Variants in NALF1 observed in about 807,000 individuals in gnomAD.
NALF1 encodes NALCN channel auxiliary factor 1.
A neutral mutation model predicts 48.4 loss-of-function variants in NALF1; 3 were observed. That is an observed-to-expected ratio of 0.06 (90% CI 0.03 to 0.16). The LOEUF (loss-of-function observed/expected upper bound fraction) is 0.16. NALF1 is among the 10% of genes least tolerant of loss of function. NALF1 has a pLI of 1.00. For synonymous variants in NALF1, 262 were observed against 245.7 expected (o/e 1.07, Z -0.62); for missense variants, 526 against 571.5 (o/e 0.92, Z 0.81).
intron 1 of NALF1, among the ~76,000 whole-genome samples, chr13:107,303,059 G>C (rs925598984): frequency 6.6e-6 from 1 of 152,084 alleles, no homozygotes; most frequent in Middle Eastern, 3.2e-3. Flanking sequence ...ATTTTTTGTT[G>C]TTGTTTGATT....
At chr13:107,618,120 C>T (rs572380299) in intron 1 of NALF1, among the ~76,000 whole-genome samples, 2 of 151,408 alleles carry the variant, frequency 1.3e-5, no homozygotes, top group African/African-American at 2.4e-5. Context: ...AACAGGGCAC[C>T]GAGAGAGAAA....
intron 1 of NALF1, among the ~76,000 whole-genome samples, chr13:107,723,020 A>T (rs1876033696): frequency 6.6e-6 from 1 of 152,242 alleles, no homozygotes; most frequent in South Asian, 2.1e-4. Context: ...TCAAAACTGA[A>T]AAAATATCTT....
In NALF1 at chr13:107,402,500, C is replaced by T. The variant is rs968879887; in HGVS notation, c.916-191745G>A. 3.3e-5 allele frequency among the ~76,000 whole-genome samples: 5 copies of T among 152,262 alleles called. No homozygotes were observed. The South Asian group carries it at 1.0e-3, about 32-fold the overall frequency. Reference sequence around the variant, plus strand: ...GATAGTAAATGAATGTTGTTTTAAGCCACTGAATTTGTGGTAAATTATTAC... The same window carrying T: ...GATAGTAAATGAATGTTGTTTTAAGTCACTGAATTTGTGGTAAATTATTAC... On this transcript the variant is annotated intron_variant, in intron 1 of 2. Coordinates refer to ENST00000375915, the MANE Select transcript of NALF1 (RefSeq NM_001080396.3).
At chr13:107,613,000 G>GAAAAAA (rs34831534) in intron 1 of NALF1, among the ~76,000 whole-genome samples, 2 of 144,742 alleles carry the variant, frequency 1.4e-5, no homozygotes, top group Non-Finnish European at 1.5e-5. Flanking sequence ...TTCCCACAAT[G>GAAAAAA]AGAAAAAAAA....
intron 1 of NALF1, among the ~76,000 whole-genome samples, chr13:107,861,654 C>T (rs765253617): frequency 7.2e-5 from 11 of 152,124 alleles, no homozygotes; most frequent in East Asian, 5.9e-4. Flanking sequence ...CGTGGTGGCG[C>T]GCACCTGTAG....
At chr13:107,521,096 C>T (rs1469534485) in intron 1 of NALF1, among the ~76,000 whole-genome samples, 1 of 152,158 alleles carries the variant, frequency 6.6e-6, no homozygotes, top group Non-Finnish European at 1.5e-5. Flanking sequence ...ATTCACACAG[C>T]ATGACTAGAA....
chr13:107,328,459 T>G (rs1882407786), intron 1 of NALF1, among the ~76,000 whole-genome samples: 1 of 152,198 alleles, frequency 6.6e-6, no homozygotes, highest in Non-Finnish European at 1.5e-5. Context: ...TTCTAATTTA[T>G]CACAACTTAA....
intron 1 of NALF1, among the ~76,000 whole-genome samples, chr13:107,578,689 T>C (rs112491902): frequency 2.0e-5 from 3 of 152,182 alleles, no homozygotes; most frequent in Non-Finnish European, 2.9e-5. Context: ...CTGTGTTCCA[T>C]AGTACATATT....
At chr13:107,784,873 C>T (rs1016448765) in intron 1 of NALF1, among the ~76,000 whole-genome samples, 7 of 152,148 alleles carry the variant, frequency 4.6e-5, no homozygotes, top group African/African-American at 1.4e-4. Context: ...GTAGAACTAC[C>T]ATTTGATCCA....
intron 1 of NALF1, among the ~76,000 whole-genome samples, chr13:107,547,098 G>C (rs746468769): frequency 2.6e-5 from 4 of 152,158 alleles, no homozygotes; most frequent in Non-Finnish European, 5.9e-5. Flanking sequence ...GACACTTTGA[G>C]AGTGTCCAAT....
chr13:107,215,215 G>A (rs1175304495), intron 1 of NALF1, among the ~76,000 whole-genome samples: 2 of 152,178 alleles, frequency 1.3e-5, no homozygotes, highest in African/African-American at 4.8e-5. Context: ...TTATTCGGAA[G>A]GTATCACTTG....
intron 1 of NALF1, among the ~76,000 whole-genome samples, chr13:107,570,162 C>T (rs1348637329): frequency 6.7e-6 from 1 of 149,906 alleles, no homozygotes; most frequent in Non-Finnish European, 1.5e-5. Flanking sequence ...TTACTTCTTC[C>T]TTTCCAATGT....
intron 1 of NALF1, among the ~76,000 whole-genome samples, chr13:107,797,140 A>G (rs1025534771): frequency 1.3e-5 from 2 of 152,160 alleles, no homozygotes; most frequent in African/African-American, 4.8e-5. Context: ...TGACTCTGAC[A>G]GGTGAGCATG....
In NALF1 at chr13:107,599,421, CAAAA is replaced by C. The variant is rs59715915; in HGVS notation, c.915+266257_915+266260del. ...GGGGCAACAGAGCGAGACTCCGTCTCAAAAAAAAAAAAAAAAAATAACATTATTA... is the reference window on the plus strand; with the variant it reads ...GGGGCAACAGAGCGAGACTCCGTCTCAAAAAAAAAAAAAATAACATTATTA... On this transcript the variant is annotated intron_variant, in intron 1 of 2. Transcript: ENST00000375915. Among the ~76,000 whole-genome samples the C allele has an allele frequency of 1.9e-3, 230 of 122,252 alleles. 1 individual carries two copies. Among genetic ancestry groups the C allele is most frequent in the African/African-American group, 6.8e-3 (218 of 32,216 alleles). The allele number at this position is 122,252 out of a possible 152,430, so 80.2% of individuals were successfully genotyped here.
rs926125350 is a variant in NALF1, at chr13:107,660,482, C to A, written c.915+205200G>T. 3.6e-4 allele frequency among the ~76,000 whole-genome samples: 31 copies of A among 86,780 alleles called. No homozygotes were observed. In the East Asian group the frequency reaches 6.3e-3, roughly 18 times the overall value. The allele number at this position is 86,780 out of a possible 152,430, so 56.9% of individuals were successfully genotyped here. The stretch of plus-strand genomic sequence containing the variant: ...ACACACACACACACACACACACACA[C>A]ACAACAAAGAAACAAAAAAACAAAC... On this transcript the variant is annotated intron_variant, in intron 1 of 2. Transcript: ENST00000375915.
chr13:107,307,545 G>A (rs1334354776), intron 1 of NALF1, among the ~76,000 whole-genome samples: 2 of 148,476 alleles, frequency 1.3e-5, no homozygotes, highest in Admixed American at 6.7e-5. Flanking sequence ...GTACAGTGGC[G>A]CGATCTTGGC....
At chr13:107,406,634 A>G (rs978081001) in intron 1 of NALF1, among the ~76,000 whole-genome samples, 1 of 152,016 alleles carries the variant, frequency 6.6e-6, no homozygotes, top group Non-Finnish European at 1.5e-5. Context: ...CTATTTTGAT[A>G]GAGATTAATA....
intron 1 of NALF1, among the ~76,000 whole-genome samples, chr13:107,767,928 G>A (rs909041564): frequency 2.6e-5 from 4 of 152,168 alleles, no homozygotes; most frequent in African/African-American, 9.7e-5. Flanking sequence ...ATGAAGTAGA[G>A]ACACGTTGAG....
intron 1 of NALF1, among the ~76,000 whole-genome samples, chr13:107,692,892 A>T (rs910652187): frequency 6.6e-6 from 1 of 152,204 alleles, no homozygotes; most frequent in Admixed American, 6.5e-5. Flanking sequence ...GAATTTAGAT[A>T]AAAAATAACA....
Sources: allele counts gnomAD v4.1 joint callset (sites outside exome capture counted in the v4.1 genomes callset), GRCh38; gene constraint gnomAD v4.1.1; transcripts MANE v1.5; gene names NCBI Gene and HGNC (gene_info 2026-07-23, HGNC 2026-07-21).